Variants in KCTD7 observed in about 807,000 individuals in gnomAD.
KCTD7 encodes potassium channel tetramerization domain containing 7, also known as BTB/POZ domain-containing protein KCTD7.
In KCTD7, 15 loss-of-function variants were observed where a neutral mutation model predicts 27.0. The ratio of observed to expected loss-of-function variants is 0.56; its 90% CI spans 0.37 to 0.86. The LOEUF is 0.86. Among genes scored for constraint, KCTD7 ranks in the 40% least tolerant of loss-of-function variants. The pLI is 0.00. For missense variants in KCTD7, 299 were observed against 398.9 expected, an observed-to-expected ratio of 0.75 and a Z score of 2.13; for synonymous variants, 159 against 162.7, an observed-to-expected ratio of 0.98 and a Z score of 0.17.
At position 66,639,465 on chromosome 7, in the gene KCTD7, C is replaced by T. The variant is rs1786664035; in HGVS notation, c.*233C>T. 2.1e-6 allele frequency: 3 copies of T among 1,436,190 alleles called. No individual in the cohort carries two copies. Among genetic ancestry groups the T allele is most frequent in the African/African-American group, 1.4e-5 (1 of 70,316 alleles). 89.0% of individuals were successfully genotyped at this position (1,436,190 alleles called of 1,614,324 possible). A position where few individuals can be genotyped will look rare whatever the true frequency, so the allele number is the denominator to read the frequency against. ...GGCACTCCAGCCAGCGCTCACCTGG[C>T]CTTTCCTCAAGGCATGGTAGTCTTT... On this transcript the variant is annotated 3_prime_UTR_variant, in exon 4 of 4. Transcript: ENST00000639828.
At position 66,640,901 on chromosome 7, in the gene KCTD7, G is replaced by T; in HGVS notation, c.*1669G>T. On this transcript the variant is annotated 3_prime_UTR_variant, in exon 4 of 4. Transcript: ENST00000639828. Reference sequence around the variant, plus strand: ...GGTATCAGACTTACAGGACCAGATAGACAAGATGGGTATAAGGGGAGCTGA... The same window carrying T: ...GGTATCAGACTTACAGGACCAGATATACAAGATGGGTATAAGGGGAGCTGA... 1 of 986,316 alleles carries T rather than the reference G, an allele frequency of 1.0e-6. No homozygotes were observed. Among genetic ancestry groups the T allele is most frequent in the Non-Finnish European group, 1.2e-6 (1 of 830,574 alleles). The allele number at this position is 986,316 out of a possible 1,614,324, so 61.1% of individuals were successfully genotyped here. A position where few individuals can be genotyped will look rare whatever the true frequency, so the allele number is the denominator to read the frequency against.
Position 66,642,833 on chromosome 7 carries a change from A to G in KCTD7, c.*3601A>G, listed in dbSNP as rs1172119490. ...TGAGTGGGGAAGGATGGGGGTTGGCAGGGGTTGAGGGAGGTGGGAACAAAC... is the reference window on the plus strand; with the variant it reads ...TGAGTGGGGAAGGATGGGGGTTGGCGGGGGTTGAGGGAGGTGGGAACAAAC... On this transcript the variant is annotated 3_prime_UTR_variant, in exon 4 of 4. Coordinates refer to ENST00000639828, the MANE Select transcript of KCTD7 (RefSeq NM_153033.5). 2.0e-6 allele frequency: 2 copies of G among 985,026 alleles called. No homozygotes were observed. Among genetic ancestry groups the G allele is most frequent in the Non-Finnish European group, 1.2e-6 (1 of 829,764 alleles). 61.0% of individuals were successfully genotyped at this position (985,026 alleles called of 1,614,324 possible). A position where few individuals can be genotyped will look rare whatever the true frequency, so the allele number is the denominator to read the frequency against.
intron 2 of KCTD7, among the ~76,000 whole-genome samples, chr7:66,633,894 C>G (rs757006683): frequency 6.6e-6 from 1 of 151,558 alleles, no homozygotes; most frequent in Non-Finnish European, 1.5e-5. Flanking sequence ...AAGCTGAGGT[C>G]GAAGAATCGC....
At chr7:66,634,787 T>TA (rs762778135) in intron 2 of KCTD7, among the ~76,000 whole-genome samples, 4,741 of 142,502 alleles carry the variant, frequency 0.033, 96 homozygotes, top group Admixed American at 0.046. Flanking sequence ...GGAAAGTCTT[T>TA]AAAAAAAAAA....
chr7:66,635,345 A>G lies in KCTD7; in HGVS notation c.314+1901A>G, dbSNP rs529250640. On this transcript the variant is annotated intron_variant, in intron 2 of 3. Coordinates refer to ENST00000639828, the MANE Select transcript of KCTD7 (RefSeq NM_153033.5). ...CGAGACTCTGTGTCTTAAAAAAGAA[A>G]ACAAAACCTTTCCCAAGAAAGGACT... is the stretch of plus-strand genomic sequence containing the variant. 3.3e-5 allele frequency among the ~76,000 whole-genome samples: 5 copies of G among 152,336 alleles called. No homozygotes were observed. The South Asian group carries it at 1.0e-3, about 32-fold the overall frequency.
rs765653009 is a variant in KCTD7 at position 66,639,900 on chromosome 7, T to G, written c.*668T>G. 3.8e-4 allele frequency: 479 copies of G among 1,246,438 alleles called. 1 individual carries two copies. The highest frequency in any genetic ancestry group is 4.6e-4 in the Non-Finnish European group (455 of 996,780). 77.2% of individuals were successfully genotyped at this position (1,246,438 alleles called of 1,614,324 possible). On this transcript the variant is annotated 3_prime_UTR_variant, in exon 4 of 4. Coordinates refer to ENST00000639828, the MANE Select transcript of KCTD7 (RefSeq NM_153033.5). ...CAGTTGGCCTTAGAAAACCACAATG[T>G]TTACAGCCCTGTCTTAGGGCCGCGG... is the stretch of plus-strand genomic sequence containing the variant.
chr7:66,637,431 G>A (rs1466770892), intron 2 of KCTD7, among the ~76,000 whole-genome samples: 2 of 151,992 alleles, frequency 1.3e-5, no homozygotes, highest in Non-Finnish European at 2.9e-5. Flanking sequence ...ACTCATAATA[G>A]CCAAAAACTG....
chr7:66,641,697 C>T lies in KCTD7; in HGVS notation c.*2465C>T. The T allele has an allele frequency of 1.0e-6, 1 of 985,388 alleles. No individual in the cohort carries two copies. The highest frequency in any genetic ancestry group is 1.2e-6 in the Non-Finnish European group (1 of 829,930). 61.0% of individuals were successfully genotyped at this position (985,388 alleles called of 1,614,324 possible). On this transcript the variant is annotated 3_prime_UTR_variant, in exon 4 of 4. Transcript: ENST00000639828. ...GTGACACTGGGCAGCAAGCTGAGAG[C>T]TCTTTCTAAATGGAGTGAAGGAATT...
At chr7:66,633,547 T>G in intron 2 of KCTD7, 103 bp downstream of exon 2, 5 of 1,125,744 alleles carry the variant, frequency 4.4e-6, no homozygotes, top group Non-Finnish European at 6.7e-6. Flanking sequence ...GAAGAGGAGA[T>G]AGCATATTGA....
rs1475148453 is a variant in KCTD7 at position 66,628,915 on chromosome 7, AC to A, written c.-148del. The A allele has an allele frequency of 1.4e-5, 10 of 727,042 alleles. No homozygotes were observed. Among genetic ancestry groups the A allele is most frequent in the Non-Finnish European group, 2.0e-5 (10 of 511,220 alleles). The allele number at this position is 727,042 out of a possible 1,614,324, so 45.0% of individuals were successfully genotyped here. A position where few individuals can be genotyped will look rare whatever the true frequency, so the allele number is the denominator to read the frequency against. On this transcript the variant is annotated 5_prime_UTR_variant, in exon 1 of 4. Coordinates refer to ENST00000639828, the MANE Select transcript of KCTD7 (RefSeq NM_153033.5). ...CGAGCGGGTCGGCGTTGAGGGAGCCACCGCCCTCCCGCCTGCGCACTGCCTC... is the reference window on the plus strand; with the variant it reads ...CGAGCGGGTCGGCGTTGAGGGAGCCACGCCCTCCCGCCTGCGCACTGCCTC...
At chr7:66,634,142 A>C (rs1302546923) in intron 2 of KCTD7, among the ~76,000 whole-genome samples, 1 of 136,910 alleles carries the variant, frequency 7.3e-6, no homozygotes, top group African/African-American at 2.7e-5. Context: ...ATATATGTAT[A>C]TATATGAGCT....
intron 3 of KCTD7, 100 bp downstream of exon 3, chr7:66,638,531 TC>T: frequency 7.9e-7 from 1 of 1,269,788 alleles, no homozygotes; most frequent in Non-Finnish European, 1.1e-6. Context: ...GCAGCATTCA[TC>T]CAGATTACTC....
chr7:66,631,183 A>C (rs141480588), intron 1 of KCTD7, among the ~76,000 whole-genome samples: 4 of 152,326 alleles, frequency 2.6e-5, no homozygotes, highest in African/African-American at 7.2e-5. Context: ...GCCCTGGGTC[A>C]GCTTTATTTA....
At position 66,638,621 on chromosome 7, in the gene KCTD7, G is replaced by A; in HGVS notation, c.493+190G>A. The A allele has an allele frequency of 1.1e-5, 9 of 787,868 alleles. No individual in the cohort carries two copies. The South Asian group carries it at 1.6e-4, about 14-fold the overall frequency. The allele number at this position is 787,868 out of a possible 1,614,324, so 48.8% of individuals were successfully genotyped here. The stretch of plus-strand genomic sequence containing the variant: ...AGGTGGGCCTACCTGGCCTATGACA[G>A]TTAGCAAATTGTATTTCAGAAGGAC... On this transcript the variant is annotated intron_variant, in intron 3 of 3. Coordinates refer to ENST00000639828, the MANE Select transcript of KCTD7 (RefSeq NM_153033.5).
rs1786687596 is a variant in KCTD7, at chr7:66,640,363, A to G, written c.*1131A>G. On this transcript the variant is annotated 3_prime_UTR_variant, in exon 4 of 4. Coordinates refer to ENST00000639828, the MANE Select transcript of KCTD7 (RefSeq NM_153033.5). ...ATTTTGTTTTACTCCTCACTCCTGT[A>G]TATTTTGGTTTACTTACTCCTCTAT... 1.3e-6 allele frequency: 2 copies of G among 1,537,012 alleles called. No homozygotes were observed. Among genetic ancestry groups the G allele is most frequent in the Non-Finnish European group, 8.7e-7 (1 of 1,146,714 alleles).
chr7:66,640,700 C>T lies in KCTD7; in HGVS notation c.*1468C>T. The T allele has an allele frequency of 8.1e-7, 1 of 1,227,610 alleles. No homozygotes were observed. The highest frequency in any genetic ancestry group is 1.0e-6 in the Non-Finnish European group (1 of 980,852). 76.0% of individuals were successfully genotyped at this position (1,227,610 alleles called of 1,614,324 possible). On this transcript the variant is annotated 3_prime_UTR_variant, in exon 4 of 4. Transcript: ENST00000639828. Reference sequence around the variant, plus strand: ...GCCTGTAGTCCAGGCCACTCGAGCACACACCTGTAGTACCAGCTACTCTGG... The same window carrying T: ...GCCTGTAGTCCAGGCCACTCGAGCATACACCTGTAGTACCAGCTACTCTGG...
Position 66,640,664 on chromosome 7 carries a change from C to A in KCTD7, c.*1432C>A. The A allele has an allele frequency of 7.6e-7, 1 of 1,314,170 alleles. No homozygotes were observed. 81.4% of individuals were successfully genotyped at this position (1,314,170 alleles called of 1,614,324 possible). ...AGGAACATGTCTGTAGTCCCAGCTA[C>A]TTGGGCACACGCCTGTAGTCCAGGC... On this transcript the variant is annotated 3_prime_UTR_variant, in exon 4 of 4. Coordinates refer to ENST00000639828, the MANE Select transcript of KCTD7 (RefSeq NM_153033.5).
Position 66,639,907 on chromosome 7 carries a change from C to T in KCTD7, c.*675C>T, listed in dbSNP as rs1786674633. On this transcript the variant is annotated 3_prime_UTR_variant, in exon 4 of 4. Transcript: ENST00000639828. Reference sequence around the variant, plus strand: ...CCTTAGAAAACCACAATGTTTACAGCCCTGTCTTAGGGCCGCGGCTTCTCT... The same window carrying T: ...CCTTAGAAAACCACAATGTTTACAGTCCTGTCTTAGGGCCGCGGCTTCTCT... 1 of 1,248,204 alleles carries T rather than the reference C, an allele frequency of 8.0e-7. No individual in the cohort carries two copies. Among genetic ancestry groups the T allele is most frequent in the Admixed American group, 3.9e-5 (1 of 25,890 alleles). 77.3% of individuals were successfully genotyped at this position (1,248,204 alleles called of 1,614,324 possible). A position where few individuals can be genotyped will look rare whatever the true frequency, so the allele number is the denominator to read the frequency against.
Position 66,639,762 on chromosome 7 carries a change from T to TC in KCTD7, c.*532dup. ...TTCTCTCCCACTGCACCCCTTCTCC[T>TC]CCAAGAATAGTTGCCCACATTCCCA... On this transcript the variant is annotated 3_prime_UTR_variant, in exon 4 of 4. Coordinates refer to ENST00000639828, the MANE Select transcript of KCTD7 (RefSeq NM_153033.5). The TC allele has an allele frequency of 8.0e-7, 1 of 1,250,326 alleles. No individual in the cohort carries two copies. Among genetic ancestry groups the TC allele is most frequent in the Admixed American group, 3.7e-5 (1 of 26,742 alleles). The allele number at this position is 1,250,326 out of a possible 1,614,324, so 77.5% of individuals were successfully genotyped here. A position where few individuals can be genotyped will look rare whatever the true frequency, so the allele number is the denominator to read the frequency against.
Sources: allele counts gnomAD v4.1 joint callset (sites outside exome capture counted in the v4.1 genomes callset), GRCh38; gene constraint gnomAD v4.1.1; transcripts MANE v1.5; gene names NCBI Gene and HGNC (gene_info 2026-07-23, HGNC 2026-07-21).